Variants in GRM7 observed in about 807,000 individuals in gnomAD.
GRM7 encodes metabotropic glutamate receptor 7.
Under a neutral mutation model 84.5 loss-of-function variants are expected in GRM7, and 35 were observed. The observed-to-expected ratio is 0.41, with a 90% confidence interval of 0.32 to 0.55. The LOEUF (loss-of-function observed/expected upper bound fraction) is 0.55, where lower values mean the gene tolerates loss of function less well. Among genes scored for constraint, GRM7 ranks in the 20% least tolerant of loss-of-function variants. The pLI is 0.19. For synonymous variants in GRM7, 487 were observed against 455.1 expected (o/e 1.07, Z -0.89); for missense variants, 1,003 against 1,194.6 (o/e 0.84, Z 2.36).
chr3:6,943,047 A>T, intron 1 of GRM7, among the ~76,000 whole-genome samples: 1 of 151,980 alleles, frequency 6.6e-6, no homozygotes, highest in South Asian at 2.1e-4. Flanking sequence ...ATCTTTGTCC[A>T]CTTTTTGGTA....
At chr3:7,229,724 C>CATATATAT (rs1697103718) in intron 2 of GRM7, among the ~76,000 whole-genome samples, 2 of 25,998 alleles carry the variant, frequency 7.7e-5, no homozygotes, top group Non-Finnish European at 1.3e-4. Flanking sequence ...CATAGACACA[C>CATATATAT]ACATATATAT....
chr3:6,899,592 T>A (rs1198618731), intron 1 of GRM7, among the ~76,000 whole-genome samples: 6 of 152,174 alleles, frequency 3.9e-5, no homozygotes, highest in Admixed American at 3.9e-4. Flanking sequence ...TGGGAAGTCG[T>A]AAAAGGTCAA....
At chr3:7,278,800 A>G (rs755614880) in intron 2 of GRM7, among the ~76,000 whole-genome samples, 26 of 152,208 alleles carry the variant, frequency 1.7e-4, no homozygotes, top group Non-Finnish European at 3.4e-4. Context: ...TGCTTGGAAT[A>G]CAGAGACTTC....
intron 4 of GRM7, among the ~76,000 whole-genome samples, chr3:7,368,642 A>T (rs530045706): frequency 3.3e-5 from 5 of 152,248 alleles, no homozygotes; most frequent in Admixed American, 3.3e-4. Context: ...ACAGCAGATA[A>T]GCCAGATTTA....
intron 5 of GRM7, among the ~76,000 whole-genome samples, chr3:7,425,069 C>T (rs1310077714): frequency 6.6e-6 from 1 of 152,140 alleles, no homozygotes; most frequent in Admixed American, 6.6e-5. Flanking sequence ...GAAAACTGAA[C>T]ACAAATAGAT....
At chr3:7,327,384 G>A (rs1701029681) in intron 4 of GRM7, among the ~76,000 whole-genome samples, 1 of 152,052 alleles carries the variant, frequency 6.6e-6, no homozygotes, top group African/African-American at 2.4e-5. Flanking sequence ...GGAGAGGAGA[G>A]GAAAGAAAGC....
intron 2 of GRM7, among the ~76,000 whole-genome samples, chr3:7,163,174 G>A (rs1012808939): frequency 3.3e-5 from 5 of 152,072 alleles, no homozygotes; most frequent in Non-Finnish European, 7.4e-5. Context: ...AAAGACTCAG[G>A]CCTGTCTCAC....
intron 4 of GRM7, among the ~76,000 whole-genome samples, chr3:7,332,455 T>C (rs1701245801): frequency 6.6e-6 from 1 of 152,190 alleles, no homozygotes; most frequent in Non-Finnish European, 1.5e-5. Context: ...TTTTTCCAAG[T>C]AGCATACATA....
intron 1 of GRM7, among the ~76,000 whole-genome samples, chr3:6,956,905 T>C (rs1407878913): frequency 6.6e-6 from 1 of 152,188 alleles, no homozygotes; most frequent in Non-Finnish European, 1.5e-5. Context: ...GCTAAACAAA[T>C]ATAAACTCAA....
intron 1 of GRM7, among the ~76,000 whole-genome samples, chr3:6,883,278 G>A (rs1695579372): frequency 6.6e-6 from 1 of 151,484 alleles, no homozygotes; most frequent in African/African-American, 2.4e-5. Context: ...ATATTATAAT[G>A]TTTATTATTT....
chr3:7,527,500 G>A (rs1398087416), intron 7 of GRM7, among the ~76,000 whole-genome samples: 2 of 151,846 alleles, frequency 1.3e-5, no homozygotes, highest in Non-Finnish European at 2.9e-5. Context: ...CTCTTTTCCT[G>A]TTTGGATGCC....
chr3:7,529,401 G>A (rs766066490), intron 7 of GRM7, among the ~76,000 whole-genome samples: 10 of 152,036 alleles, frequency 6.6e-5, no homozygotes, highest in Non-Finnish European at 1.0e-4. Flanking sequence ...CTGTCTATTC[G>A]CACATCCATT....
intron 9 of GRM7, among the ~76,000 whole-genome samples, chr3:7,726,635 A>C (rs377318550): frequency 0.15 from 14,476 of 98,514 alleles, 1,845 homozygotes; most frequent in Non-Finnish European, 0.17. Context: ...ATATATATAT[A>C]TATATATATA....
intron 7 of GRM7, among the ~76,000 whole-genome samples, chr3:7,500,280 A>G (rs1253312618): frequency 6.6e-6 from 1 of 152,222 alleles, no homozygotes; most frequent in African/African-American, 2.4e-5. Context: ...TTCTATTCAT[A>G]TATCAACCAT....
chr3:7,017,443 C>A (rs1695605996), intron 1 of GRM7, among the ~76,000 whole-genome samples: 6 of 152,112 alleles, frequency 3.9e-5, no homozygotes, highest in Admixed American at 3.3e-4. Flanking sequence ...ATGAGCTGGG[C>A]AAGCGAGTCA....
At chr3:7,206,657 T>C (rs1057411384) in intron 2 of GRM7, among the ~76,000 whole-genome samples, 1 of 152,200 alleles carries the variant, frequency 6.6e-6, no homozygotes, top group African/African-American at 2.4e-5. Flanking sequence ...TATATTTATA[T>C]CTGCTAAATA....
At chr3:7,132,756 CA>C (rs761254568) in intron 1 of GRM7, among the ~76,000 whole-genome samples, 2 of 152,076 alleles carry the variant, frequency 1.3e-5, no homozygotes, top group South Asian at 4.1e-4. Flanking sequence ...AGAATGTGCC[CA>C]AGGCTTGCTT....
At chr3:7,301,278 A>G (rs62234955) in intron 3 of GRM7, among the ~76,000 whole-genome samples, 72,049 of 151,878 alleles carry the variant, frequency 0.47, 18,757 homozygotes, top group Non-Finnish European at 0.6. Context: ...TCCCTTAAAT[A>G]TATTATTTCT....
chr3:7,215,582 G>C (rs931213215), intron 2 of GRM7, among the ~76,000 whole-genome samples: 2 of 151,888 alleles, frequency 1.3e-5, no homozygotes, highest in African/African-American at 4.8e-5. Context: ...GAAGAATGGC[G>C]TGAACCCGGG....
Sources: gnomAD v4.1 joint callset for allele counts (sites outside exome capture counted in the v4.1 genomes callset) on GRCh38, gnomAD v4.1.1 for gene constraint, MANE v1.5 for transcripts, NCBI Gene and HGNC (gene_info 2026-07-23, HGNC 2026-07-21) for gene names.